Variants in RNF212 observed in about 807,000 individuals in gnomAD.
RNF212 encodes the protein probable E3 SUMO-protein ligase RNF212.
Under a neutral mutation model 34.7 loss-of-function variants are expected in RNF212, and 33 were observed. The ratio of observed to expected loss-of-function variants is 0.95; its 90% confidence interval spans 0.72 to 1.27. The LOEUF (loss-of-function observed/expected upper bound fraction) is 1.27, where lower values mean the gene tolerates loss of function less well. Among genes scored for constraint, RNF212 ranks in the 50% most tolerant of loss-of-function variants. The probability of loss-of-function intolerance (pLI) is 0.00; values close to 1 mark genes in which losing one functional copy is unlikely to be tolerated. For synonymous variants in RNF212, 140 were observed against 136.1 expected, an observed-to-expected ratio of 1.03 and a Z score of -0.20; for missense variants, 377 against 362.2, an observed-to-expected ratio of 1.04 and a Z score of -0.33.
chr4:1,085,920 A>T lies in RNF212; in HGVS notation c.338T>A (p.Val113Glu). ...SRLEESLRKS[V>E]LQIEQLQSMR... is the part of the protein sequence containing the mutation. The stretch of plus-strand genomic sequence containing the variant: ...CCTTTGTAGTTGTTCTATCTGCAGC[A>T]CTGACTTCCTAAGGGATTCTTCCAA... Residue 113 changes from valine to glutamate, a missense_variant, in exon 5 of 10, where the codon GTG becomes GAG. Physicochemically the swap from Val to Glu is moderately radical, Grantham distance 121. Coordinates refer to ENST00000433731, the MANE Select transcript of RNF212 (RefSeq NM_001131034.4). The T allele has an allele frequency of 4.3e-6, 7 of 1,612,640 alleles. No homozygotes were observed. The highest frequency in any genetic ancestry group is 5.9e-6 in the Non-Finnish European group (7 of 1,179,238).
At chr4:1,106,174 A>G (rs1181629635) in intron 2 of RNF212, among the ~76,000 whole-genome samples, 1 of 152,168 alleles carries the variant, frequency 6.6e-6, no homozygotes, top group Admixed American at 6.6e-5. Flanking sequence ...ACTGCGGAAG[A>G]AAGAGCCCAC....
At chr4:1,065,809 G>T (rs1420704869) in intron 3 of RNF212, among the ~76,000 whole-genome samples, 5 of 146,420 alleles carry the variant, frequency 3.4e-5, no homozygotes, top group Non-Finnish European at 6.2e-5. Flanking sequence ...TGGTCTTGAA[G>T]TCCTGACCTC....
intron 2 of RNF212, among the ~76,000 whole-genome samples, chr4:1,098,890 G>C (rs1465804269): frequency 6.6e-6 from 1 of 152,212 alleles, no homozygotes; most frequent in Admixed American, 6.5e-5. Flanking sequence ...AGATGCCTCA[G>C]AGACAAGACC....
intron 1 of RNF212, among the ~76,000 whole-genome samples, chr4:1,110,552 T>C (rs996970675): frequency 3.9e-5 from 6 of 152,200 alleles, no homozygotes; most frequent in Non-Finnish European, 7.3e-5. Flanking sequence ...AGCCAAAAGA[T>C]GTATCATGCA....
intron 2 of RNF212, among the ~76,000 whole-genome samples, chr4:1,103,248 C>T (rs578020474): frequency 6.6e-6 from 1 of 152,268 alleles, no homozygotes; most frequent in East Asian, 1.9e-4. Flanking sequence ...TATCAAATCC[C>T]TAGTTTAAAA....
At chr4:1,073,315 C>T (rs1253520541) in intron 9 of RNF212, 122 bp from the exon 10 acceptor site, 1 of 1,345,458 alleles carries the variant, frequency 7.4e-7, no homozygotes, top group Non-Finnish European at 1.0e-6. Context: ...AGCCAATTAC[C>T]AGGAAGCAAA....
intron 8 of RNF212, among the ~76,000 whole-genome samples, chr4:1,079,387 C>A (rs1318402273): frequency 6.6e-6 from 1 of 152,266 alleles, no homozygotes; most frequent in African/African-American, 2.4e-5. Flanking sequence ...ACCCTGCCAA[C>A]ACCTCGTCCG....
chr4:1,081,510 T>C (rs2153043326), intron 6 of RNF212, 43 bp from the exon 7 acceptor site: 1 of 1,609,334 alleles, frequency 6.2e-7, no homozygotes, highest in South Asian at 1.1e-5. Flanking sequence ...GTGCACACAG[T>C]GTGACTCAGC....
At chr4:1,070,048 A>ATGCTGTCAGCGTGGACGCCTGGCTG (rs1718346778), downstream of RNF212, among the ~76,000 whole-genome samples, 1 of 95,152 alleles carries the variant, frequency 1.1e-5, no homozygotes, top group African/African-American at 3.3e-5. Context: ...TCGTAGGACT[A>ATGCTGTCAGCGTGGACGCCTGGCTG]TGCTGTCAGC....
At chr4:1,084,547 T>C (rs755344894) in intron 5 of RNF212, among the ~76,000 whole-genome samples, 1 of 151,630 alleles carries the variant, frequency 6.6e-6, no homozygotes, top group African/African-American at 2.4e-5. Context: ...CTGGGTAACA[T>C]AGTGAGACCC....
At chr4:1,074,923 G>A (rs1560102947) in intron 8 of RNF212, among the ~76,000 whole-genome samples, 1 of 151,728 alleles carries the variant, frequency 6.6e-6, no homozygotes, top group South Asian at 2.1e-4. Flanking sequence ...CCTTCCATCC[G>A]CTAGGATGTC....
intron 8 of RNF212, among the ~76,000 whole-genome samples, chr4:1,079,000 A>G (rs34558698): frequency 0.7 from 62,206 of 89,444 alleles, 20,986 homozygotes; most frequent in Middle Eastern, 0.75. Flanking sequence ...GGACCAACAT[A>G]GGACCAACAC....
At chr4:1,074,023 T>A (rs1718867972) in intron 8 of RNF212, among the ~76,000 whole-genome samples, 1 of 152,212 alleles carries the variant, frequency 6.6e-6, no homozygotes, top group Admixed American at 6.5e-5. Flanking sequence ...GTGCATAATT[T>A]TGTCACCTTG....
chr4:1,063,489 T>C (rs1328887548), intron 3 of RNF212, among the ~76,000 whole-genome samples: 1 of 152,058 alleles, frequency 6.6e-6, no homozygotes, highest in Non-Finnish European at 1.5e-5. Context: ...GGTGGGCAGA[T>C]CACCTGAGGT....
At chr4:1,104,800 T>C (rs913931511) in intron 2 of RNF212, among the ~76,000 whole-genome samples, 3 of 152,080 alleles carry the variant, frequency 2.0e-5, no homozygotes, top group Admixed American at 2.0e-4. Flanking sequence ...AGAAAGACAA[T>C]GAACGTGTCT....
chr4:1,092,667 C>G (rs1722372253), intron 3 of RNF212, among the ~76,000 whole-genome samples: 1 of 152,226 alleles, frequency 6.6e-6, no homozygotes, highest in African/African-American at 2.4e-5. Context: ...AGAAACAGGT[C>G]AATGAAATCA....
At chr4:1,113,605 G>A, upstream of RNF212, 1 of 563,644 alleles carries the variant, frequency 1.8e-6, no homozygotes. Context: ...CCGCGCACTG[G>A]AGCTCGCGCC....
chr4:1,105,221 G>C (rs991058897), intron 2 of RNF212, among the ~76,000 whole-genome samples: 1 of 152,160 alleles, frequency 6.6e-6, no homozygotes, highest in Non-Finnish European at 1.5e-5. Context: ...AAACCGGCCC[G>C]GTCTAGCTTA....
intron 3 of RNF212, 77 bp from the exon 4 acceptor site, chr4:1,090,915 G>C: frequency 1.1e-6 from 1 of 900,546 alleles, no homozygotes; most frequent in South Asian, 1.3e-5. Context: ...GGGAGGAGGA[G>C]GCTGGAGGGA....
Sources: gnomAD v4.1 joint callset for allele counts (sites outside exome capture counted in the v4.1 genomes callset) on GRCh38, gnomAD v4.1.1 for gene constraint, MANE v1.5 for transcripts, NCBI Gene and HGNC (gene_info 2026-07-23, HGNC 2026-07-21) for gene names.